Variants in SENP8 observed in about 807,000 individuals in gnomAD.
SENP8 encodes the protein SUMO peptidase family member, NEDD8 specific.
In SENP8, 10 loss-of-function variants were observed where a neutral mutation model predicts 14.4. The observed-to-expected ratio is 0.69, with a 90% CI of 0.43 to 1.18. The LOEUF (loss-of-function observed/expected upper bound fraction) is 1.18. Ranked by LOEUF, SENP8 falls within the 50% of genes most tolerant of loss-of-function variation. The pLI is 0.00. For missense variants in SENP8, 202 were observed against 249.4 expected, an observed-to-expected ratio of 0.81 and a Z score of 1.28; for synonymous variants, 94 against 95.5, an observed-to-expected ratio of 0.98 and a Z score of 0.09.
upstream of SENP8, chr15:72,118,048 C>A (rs1871528136): frequency 2.5e-6 from 1 of 396,416 alleles, no homozygotes; most frequent in South Asian, 1.3e-4. Flanking sequence ...ACACAGCCAA[C>A]CGCCGCCGCG....
chr15:72,132,037 A>G (rs1183127368), intron 1 of SENP8, among the ~76,000 whole-genome samples: 2 of 152,172 alleles, frequency 1.3e-5, no homozygotes, highest in Non-Finnish European at 1.5e-5. Context: ...TGTTATTACT[A>G]CCTCATCTTA....
chr15:72,126,599 G>A (rs148594984), intron 1 of SENP8, among the ~76,000 whole-genome samples: 3 of 146,782 alleles, frequency 2.0e-5, no homozygotes, highest in Non-Finnish European at 3.0e-5. Flanking sequence ...CACTCCAGCC[G>A]GGGCGACGGA....
chr15:72,132,599 T>C (rs1255924396), intron 1 of SENP8, among the ~76,000 whole-genome samples: 1 of 143,220 alleles, frequency 7.0e-6, no homozygotes, highest in African/African-American at 2.5e-5. Context: ...TTGATAATGT[T>C]ATTATCATCC....
chr15:72,118,260 T>C (rs577545660), upstream of SENP8: 62 of 306,360 alleles, frequency 2.0e-4, no homozygotes, highest in African/African-American at 1.4e-3. Context: ...ACACGCCCCC[T>C]TTCCTACGCC....
At chr15:72,132,471 T>C (rs1030063423) in intron 1 of SENP8, among the ~76,000 whole-genome samples, 4 of 152,126 alleles carry the variant, frequency 2.6e-5, no homozygotes, top group African/African-American at 4.8e-5. Context: ...GGCAAACATT[T>C]ATTGCACTTC....
intron 1 of SENP8, among the ~76,000 whole-genome samples, chr15:72,129,125 T>G (rs566163481): frequency 3.3e-5 from 5 of 152,358 alleles, no homozygotes; most frequent in African/African-American, 1.2e-4. Context: ...AATTTAAAAC[T>G]CTAATACATA....
intron 1 of SENP8, among the ~76,000 whole-genome samples, chr15:72,138,964 CAA>C (rs71133960): frequency 2.1e-4 from 9 of 42,852 alleles, no homozygotes; most frequent in Admixed American, 4.4e-4. Context: ...GACTCCATCT[CAA>C]AAAAAAAAAA....
chr15:72,116,063 G>C (rs973964831), upstream of SENP8, among the ~76,000 whole-genome samples: 1 of 152,212 alleles, frequency 6.6e-6, no homozygotes, highest in Non-Finnish European at 1.5e-5. Flanking sequence ...TTTGTGTACA[G>C]TGTCTTAAAA....
At chr15:72,121,985 C>T (rs2081172322) in intron 1 of SENP8, among the ~76,000 whole-genome samples, 1 of 152,220 alleles carries the variant, frequency 6.6e-6, no homozygotes, top group Non-Finnish European at 1.5e-5. Context: ...CTCAGTCAAA[C>T]TCCATCTATA....
At chr15:72,115,075 G>A (rs1476087041), upstream of SENP8, among the ~76,000 whole-genome samples, 1 of 151,980 alleles carries the variant, frequency 6.6e-6, no homozygotes, top group Non-Finnish European at 1.5e-5. Flanking sequence ...AAATAACTAA[G>A]GGAAAACAAC....
At chr15:72,124,835 G>C (rs768753617) in intron 1 of SENP8, among the ~76,000 whole-genome samples, 2 of 151,942 alleles carry the variant, frequency 1.3e-5, no homozygotes. Context: ...AGGCAAAAAA[G>C]TATTAATCCT....
chr15:72,119,179 T>C (rs1188730994), intron 1 of SENP8, among the ~76,000 whole-genome samples: 3 of 152,170 alleles, frequency 2.0e-5, no homozygotes, highest in Non-Finnish European at 4.4e-5. Flanking sequence ...AAGCGTACCA[T>C]GAAACCGAGA....
Position 72,139,600 on chromosome 15 carries a change from C to T in SENP8, c.-24C>T, listed in dbSNP as rs1567071659. ...AGCTCTTGTTCAGCTTCTGGAATTT[C>T]TGAGCAGCCCTCGTCAGTACAAGAT... On this transcript the variant is annotated 5_prime_UTR_variant, in exon 2 of 2. Transcript: ENST00000340912. 3 of 1,586,466 alleles carry T rather than the reference C, an allele frequency of 1.9e-6. No individual in the cohort carries two copies. The highest frequency in any genetic ancestry group is 1.7e-4 in the Middle Eastern group (1 of 5,914).
At chr15:72,123,416 A>G (rs1200975684) in intron 1 of SENP8, among the ~76,000 whole-genome samples, 3 of 152,170 alleles carry the variant, frequency 2.0e-5, no homozygotes, top group African/African-American at 7.2e-5. Context: ...AGTCATTTCA[A>G]AGTTTGCAAT....
At chr15:72,124,415 T>C (rs945990135) in intron 1 of SENP8, among the ~76,000 whole-genome samples, 3 of 152,242 alleles carry the variant, frequency 2.0e-5, no homozygotes, top group African/African-American at 7.2e-5. Flanking sequence ...AACGTTTTAA[T>C]TGGGGGGAAA....
upstream of SENP8, among the ~76,000 whole-genome samples, chr15:72,117,521 C>T (rs1445528750): frequency 2.6e-5 from 4 of 152,196 alleles, no homozygotes; most frequent in Admixed American, 6.5e-5. Context: ...TACTGGGGAT[C>T]CGGGGCCGTG....
chr15:72,139,389 T>C (rs1393707402), intron 1 of SENP8, 188 bp from the exon 2 acceptor site: 5 of 487,030 alleles, frequency 1.0e-5, no homozygotes, highest in South Asian at 7.5e-5. Context: ...AAAGGAGCAA[T>C]TGGTCTTGCT....
At chr15:72,125,175 A>T (rs2140499868) in intron 1 of SENP8, among the ~76,000 whole-genome samples, 1 of 152,274 alleles carries the variant, frequency 6.6e-6, no homozygotes, top group African/African-American at 2.4e-5. Context: ...CTACATATAT[A>T]AATTTCTTAA....
intron 1 of SENP8, among the ~76,000 whole-genome samples, chr15:72,122,087 C>G (rs1268805432): frequency 6.6e-6 from 1 of 152,206 alleles, no homozygotes; most frequent in Non-Finnish European, 1.5e-5. Context: ...CAGAACTCCT[C>G]TCTTTTTGCC....
Sources: allele counts gnomAD v4.1 joint callset (sites outside exome capture counted in the v4.1 genomes callset), GRCh38; gene constraint gnomAD v4.1.1; transcripts MANE v1.5; gene names NCBI Gene and HGNC (gene_info 2026-07-23, HGNC 2026-07-21).